SEPTIN9: variants seen among roughly 807,000 people sequenced by gnomAD.
The protein encoded by SEPTIN9 is septin 9, also known as septin-9.
A neutral mutation model predicts 56.6 loss-of-function variants in SEPTIN9; 13 were observed. The observed-to-expected ratio is 0.23, with a 90% CI of 0.15 to 0.37. The LOEUF (loss-of-function observed/expected upper bound fraction) is 0.37. SEPTIN9 is among the 10% of genes least tolerant of loss of function. SEPTIN9 has a pLI of 1.00. For synonymous variants in SEPTIN9, 332 were observed against 334.1 expected, an observed-to-expected ratio of 0.99 and a Z score of 0.07; for missense variants, 650 against 823.1, an observed-to-expected ratio of 0.79 and a Z score of 2.57.
chr17:77,307,149 C>T lies in SEPTIN9; in HGVS notation c.28C>T (p.Arg10Trp), dbSNP rs199618012. 54 of 1,613,914 alleles carry T rather than the reference C, an allele frequency of 3.3e-5. No individual in the cohort carries two copies. Among genetic ancestry groups the T allele is most frequent in the African/African-American group, 3.3e-4 (25 of 75,048 alleles). The change falls in exon 2 of 12, where the codon CGG becomes TGG. Residue 10 changes from arginine (R) to tryptophan (W), a missense_variant. Physicochemically the swap from Arg to Trp is moderately radical, Grantham distance 101 (BLOSUM62 -3). Transcript: ENST00000427177. ...TTTGTCTCTGTCTTTAGGAGGCACG[C>T]GGACCTCCAGTGGCCGGCTCCGGAG... is the stretch of plus-strand genomic sequence containing the variant. MKKSYSGGT[R>W]TSSGRLRRLG...
chr17:77,383,185 T>TCTTC (rs1555655722), intron 2 of SEPTIN9, among the ~76,000 whole-genome samples: 2 of 9,588 alleles, frequency 2.1e-4, no homozygotes, highest in Non-Finnish European at 9.9e-4. Flanking sequence ...TCCCTCCTTC[T>TCTTC]CTCCCTCCCT....
At position 77,437,890 on chromosome 17, in the gene SEPTIN9, G is replaced by T. The variant is rs552319121; in HGVS notation, c.721+35187G>T. On this transcript the variant is annotated intron_variant, in intron 3 of 11. Coordinates refer to ENST00000427177, the MANE Select transcript of SEPTIN9 (RefSeq NM_001113491.2). This position sits in a 1 kb window ranked among gnomAD's most constrained non-coding sequence, Gnocchi z 5.3. ...GCCCCAGGCCAGAGGTGACAGTGGG[G>T]GCCCCTTGCTTGCGCTGGTGACTGT... Among the ~76,000 whole-genome samples, 4 of 152,310 alleles carry T rather than the reference G, an allele frequency of 2.6e-5. No homozygotes were observed. Among genetic ancestry groups the T allele is most frequent in the African/African-American group, 9.6e-5 (4 of 41,578 alleles).
intron 2 of SEPTIN9, among the ~76,000 whole-genome samples, chr17:77,359,166 G>A (rs755661509): frequency 2.6e-5 from 4 of 152,160 alleles, no homozygotes; most frequent in Admixed American, 6.6e-5. Flanking sequence ...TTGTATGGCC[G>A]CTCCTGTCAT....
chr17:77,375,352 G>A (rs2034882961), intron 2 of SEPTIN9: 1 of 152,150 alleles, frequency 6.6e-6, no homozygotes, highest in Admixed American at 6.5e-5. Context: ...GTTCCTAACA[G>A]AAAGTGTCGG....
Position 77,459,713 on chromosome 17 carries a change from C to CT in SEPTIN9, c.722-22420dup, listed in dbSNP as rs1307984959. Reference sequence around the variant, plus strand: ...TGGCGAGAGAGAGAACTCCCAGACTCTTTTTTTTTTTGAAATGGAGTCTCG... The same window carrying CT: ...TGGCGAGAGAGAGAACTCCCAGACTCTTTTTTTTTTTTGAAATGGAGTCTCG... On this transcript the variant is annotated intron_variant, in intron 3 of 11. Coordinates refer to ENST00000427177, the MANE Select transcript of SEPTIN9 (RefSeq NM_001113491.2). 3.6e-4 allele frequency among the ~76,000 whole-genome samples: 53 copies of CT among 146,412 alleles called. No homozygotes were observed. In the South Asian group the frequency reaches 3.7e-3, roughly 10 times the overall value.
chr17:77,369,357 A>G lies in SEPTIN9; in HGVS notation c.77-32702A>G, dbSNP rs1051338386. On this transcript the variant is annotated intron_variant, in intron 2 of 11. Transcript: ENST00000427177. This position sits in a 1 kb window ranked among gnomAD's most constrained non-coding sequence, Gnocchi z 4.9. ...GCTGGCCCCAGGTGGCCGGTTGTTG[A>G]CCGTTAACTGGCACACTACTGGAGG... is the stretch of plus-strand genomic sequence containing the variant. 6.6e-6 allele frequency among the ~76,000 whole-genome samples: 1 copy of G among 152,178 alleles called. No homozygotes were observed. The highest frequency in any genetic ancestry group is 2.4e-5 in the African/African-American group (1 of 41,442).
chr17:77,285,013 T>C (rs2031212214), intron 1 of SEPTIN9, among the ~76,000 whole-genome samples: 2 of 152,216 alleles, frequency 1.3e-5, no homozygotes, highest in Non-Finnish European at 2.9e-5. Context: ...ATGCCTGCTC[T>C]GTAACCTGTT....
chr17:77,357,375 T>C (rs1011911585), intron 2 of SEPTIN9, among the ~76,000 whole-genome samples: 2 of 111,742 alleles, frequency 1.8e-5, no homozygotes, highest in South Asian at 4.3e-4. Context: ...GTTGTGAAAA[T>C]GTTCAAAACA....
intron 3 of SEPTIN9, among the ~76,000 whole-genome samples, chr17:77,407,037 C>T (rs1598324449): frequency 6.7e-6 from 1 of 148,772 alleles, no homozygotes; most frequent in East Asian, 1.9e-4. Context: ...AAATCCAGCA[C>T]TTTGGAGGCC....
chr17:77,414,203 C>G (rs536254298), intron 3 of SEPTIN9, among the ~76,000 whole-genome samples: 1 of 152,136 alleles, frequency 6.6e-6, no homozygotes, highest in East Asian at 1.9e-4. Context: ...CTCAGCCTCC[C>G]GAGTAGCTGA....
chr17:77,338,919 A>G (rs1240024520), intron 2 of SEPTIN9, among the ~76,000 whole-genome samples: 1 of 152,200 alleles, frequency 6.6e-6, no homozygotes, highest in African/African-American at 2.4e-5. Context: ...CATTTCAACA[A>G]TGTTCACAGC....
At chr17:77,408,953 AC>A (rs1433010337) in intron 3 of SEPTIN9, among the ~76,000 whole-genome samples, 1 of 152,078 alleles carries the variant, frequency 6.6e-6, no homozygotes, top group Non-Finnish European at 1.5e-5. Context: ...CGAGGGACTC[AC>A]TGGTGTCTGA....
intron 3 of SEPTIN9, among the ~76,000 whole-genome samples, chr17:77,443,872 C>A (rs150296879): frequency 3.3e-5 from 5 of 152,238 alleles, no homozygotes; most frequent in Non-Finnish European, 5.9e-5. Context: ...TGCAACTTGA[C>A]GGGAGGTAGG....
In SEPTIN9 at chr17:77,451,492, C is replaced by T. The variant is rs983932005; in HGVS notation, c.722-30652C>T. On this transcript the variant is annotated intron_variant, in intron 3 of 11. Coordinates refer to ENST00000427177, the MANE Select transcript of SEPTIN9 (RefSeq NM_001113491.2). The surrounding 1 kb of genome is among the most constrained non-coding windows in gnomAD (Gnocchi z 4.2). ...GACCCGGTGGGCGGGCCGCGGCTCT[C>T]GGCGCGTCCAGCGCAGCCCGACGTT... is the stretch of plus-strand genomic sequence containing the variant. The T allele has an allele frequency of 1.0e-5, 10 of 985,804 alleles. No individual in the cohort carries two copies. The highest frequency in any genetic ancestry group is 2.3e-4 in the East Asian group (2 of 8,808). 61.1% of individuals were successfully genotyped at this position (985,804 alleles called of 1,614,324 possible).
chr17:77,447,664 G>A (rs561366279), intron 3 of SEPTIN9, among the ~76,000 whole-genome samples: 23 of 152,304 alleles, frequency 1.5e-4, no homozygotes, highest in Middle Eastern at 3.4e-3. Flanking sequence ...TCGCTCTGTC[G>A]CCCAGGCTGG....
chr17:77,303,055 C>T (rs980315641), intron 1 of SEPTIN9, among the ~76,000 whole-genome samples: 2 of 152,020 alleles, frequency 1.3e-5, no homozygotes, highest in Admixed American at 6.6e-5. Flanking sequence ...GGACTCCTGC[C>T]TTCTGCTGTC....
chr17:77,439,651 C>T lies in SEPTIN9; in HGVS notation c.721+36948C>T, dbSNP rs529156630. ...ATCCCCACACCTTAACTGCTGTGAT[C>T]TTTCTGTCCTGGAGGCTGGTGGGCA... On this transcript the variant is annotated intron_variant, in intron 3 of 11. Coordinates refer to ENST00000427177, the MANE Select transcript of SEPTIN9 (RefSeq NM_001113491.2). 1.5e-3 allele frequency among the ~76,000 whole-genome samples: 231 copies of T among 152,208 alleles called. 1 individual carries two copies. Among genetic ancestry groups the T allele is most frequent in the African/African-American group, 5.4e-3 (225 of 41,568 alleles).
At chr17:77,497,657 T>C (rs2040328219) in intron 11 of SEPTIN9, 1 of 520,878 alleles carries the variant, frequency 1.9e-6, no homozygotes, top group Non-Finnish European at 3.5e-6. Context: ...CGGTGGCCAC[T>C]AAGGGCCCAG....
chr17:77,365,367 T>TTTCTTTCCTTCCTGTCTTA (rs2034542119), intron 2 of SEPTIN9, among the ~76,000 whole-genome samples: 1 of 152,142 alleles, frequency 6.6e-6, no homozygotes, highest in Non-Finnish European at 1.5e-5. Context: ...TCCCTTCCTT[T>TTTCTTTCCTTCCTGTCTTA]TTCTTTCCTT....
Sources: gnomAD v4.1 joint callset for allele counts (sites outside exome capture counted in the v4.1 genomes callset) on GRCh38, gnomAD v4.1.1 for gene constraint, Gnocchi (gnomAD v3.1) non-coding constraint, MANE v1.5 for transcripts, NCBI Gene and HGNC (gene_info 2026-07-23, HGNC 2026-07-21) for gene names.